SH2D3C: variants seen among roughly 807,000 people sequenced by gnomAD.
The protein encoded by SH2D3C is SH2 domain containing 3C.
SH2D3C carries 25 observed loss-of-function variants against 75.2 expected under a neutral mutation model. That is an observed-to-expected ratio of 0.33 (90% CI 0.24 to 0.46). SH2D3C has a LOEUF of 0.46. SH2D3C is among the 20% of genes least tolerant of loss of function. SH2D3C has a pLI of 1.00. For missense variants in SH2D3C, 933 were observed against 1,165.3 expected (o/e 0.80, Z 2.90); for synonymous variants, 450 against 473.7 (o/e 0.95, Z 0.65).
chr9:127,757,626 TG>T (rs1564419744), intron 3 of SH2D3C, among the ~76,000 whole-genome samples: 50 of 125,602 alleles, frequency 4.0e-4, no homozygotes, highest in Middle Eastern at 4.0e-3. Context: ...ATGATGATGA[TG>T]ATGATGATGA....
intron 2 of SH2D3C, chr9:127,771,219 A>G: frequency 6.5e-7 from 1 of 1,546,548 alleles, no homozygotes; most frequent in Non-Finnish European, 8.7e-7. Flanking sequence ...CCTTCGGCCC[A>G]CAGCAGTCAT....
rs775475237 is a variant in SH2D3C, at chr9:127,739,658, C to T, written c.2407+24G>A. 14 of 1,586,628 alleles carry T rather than the reference C, an allele frequency of 8.8e-6. No homozygotes were observed. In the East Asian group the frequency reaches 2.0e-4, roughly 23 times the overall value. On this transcript the variant is annotated intron_variant, in intron 11 of 11. Transcript: ENST00000314830. The surrounding 1 kb of genome is among the most constrained non-coding windows in gnomAD (Gnocchi z 4.3). ...GAGGGAGGCCCAGGCCTGCAAGCCC[C>T]CCAAGATGCCACCCGCCACTCACCC...
In SH2D3C at chr9:127,774,611, G is replaced by C; in HGVS notation, c.38-144C>G. 1.6e-6 allele frequency: 1 copy of C among 606,302 alleles called. No individual in the cohort carries two copies. 37.6% of individuals were successfully genotyped at this position (606,302 alleles called of 1,614,324 possible). The stretch of plus-strand genomic sequence containing the variant: ...ACACCCCTTCTAAAATTGTTAACAC[G>C]CCCCTAGAAATGGTATAAGATGGGA... On this transcript the variant is annotated intron_variant, in intron 1 of 11. Transcript: ENST00000314830. This position sits in a 1 kb window ranked among gnomAD's most constrained non-coding sequence, Gnocchi z 4.3.
chr9:127,776,307 G>A (rs148209288), intron 1 of SH2D3C, among the ~76,000 whole-genome samples: 2 of 151,882 alleles, frequency 1.3e-5, no homozygotes, highest in Non-Finnish European at 2.9e-5. Context: ...GCAGGTGTGC[G>A]TGTTTTGTGC....
At chr9:127,768,174 C>G (rs1845670124) in intron 2 of SH2D3C, among the ~76,000 whole-genome samples, 1 of 152,196 alleles carries the variant, frequency 6.6e-6, no homozygotes, top group Admixed American at 6.5e-5. Context: ...ACGACCCCCA[C>G]CCCTGGTGGG....
At chr9:127,741,331 C>T (rs1319963491) in intron 9 of SH2D3C, among the ~76,000 whole-genome samples, 1 of 151,294 alleles carries the variant, frequency 6.6e-6, no homozygotes, top group Non-Finnish European at 1.5e-5. Context: ...ACCTCTGCCT[C>T]CCTGGTTCAA....
chr9:127,740,268 G>A lies in SH2D3C; in HGVS notation c.2190C>T (p.Asn730=), dbSNP rs763322601. Reference sequence around the variant, plus strand: ...GCAACAAGGAAGTACCTTTGCCCTCGTTGAGGCTCTTGAGAAAAGGCTTGA... The same window carrying A: ...GCAACAAGGAAGTACCTTTGCCCTCATTGAGGCTCTTGAGAAAAGGCTTGA... ...KKLKPFLKSL[N]EGKEGPPLSN... Residue 730 remains asparagine (N), a synonymous_variant, in exon 10 of 12, where the codon AAC becomes AAT. Transcript: ENST00000314830. 44 of 1,613,798 alleles carry A rather than the reference G, an allele frequency of 2.7e-5. No homozygotes were observed. Among genetic ancestry groups the A allele is most frequent in the African/African-American group, 1.3e-4 (10 of 74,926 alleles).
At chr9:127,740,667 C>CTTAT (rs766797549) in intron 9 of SH2D3C, among the ~76,000 whole-genome samples, 1 of 152,134 alleles carries the variant, frequency 6.6e-6, no homozygotes, top group Non-Finnish European at 1.5e-5. Context: ...ACTTGTTGTT[C>CTTAT]TTATTTATTT....
chr9:127,762,391 C>T (rs1422719037), intron 2 of SH2D3C: 2 of 1,136,646 alleles, frequency 1.8e-6, no homozygotes, highest in East Asian at 5.8e-5. Flanking sequence ...AACCCAACTA[C>T]CTCCTGGACG....
chr9:127,755,549 C>T (rs1380452271), intron 3 of SH2D3C, among the ~76,000 whole-genome samples: 1 of 152,176 alleles, frequency 6.6e-6, no homozygotes, highest in Non-Finnish European at 1.5e-5. Context: ...CCACTCGCCG[C>T]ACCTCTAACA....
rs1844757634 is a variant in SH2D3C, at chr9:127,738,739, C to T, written c.*7G>A. 2 of 1,587,360 alleles carry T rather than the reference C, an allele frequency of 1.3e-6. No homozygotes were observed. Among genetic ancestry groups the T allele is most frequent in the Non-Finnish European group, 1.7e-6 (2 of 1,165,526 alleles). On this transcript the variant is annotated 3_prime_UTR_variant, in exon 12 of 12. Transcript: ENST00000314830. This position sits in a 1 kb window ranked among gnomAD's most constrained non-coding sequence, Gnocchi z 5.0. ...TCCGCAGCTGCAGAGGGGAAATGTC[C>T]CTGGGGTCACAGCTCGCTGGAGCGG...
At chr9:127,743,632 GA>G (rs1335427391) in intron 7 of SH2D3C, among the ~76,000 whole-genome samples, 1 of 152,266 alleles carries the variant, frequency 6.6e-6, no homozygotes, top group Non-Finnish European at 1.5e-5. Flanking sequence ...ACTGGGCCTA[GA>G]ACCTGGGTCC....
Position 127,767,093 on chromosome 9 carries a change from G to A in SH2D3C, c.516-5443C>T, listed in dbSNP as rs1330487527. The A allele has an allele frequency of 7.2e-6, 11 of 1,536,180 alleles. No individual in the cohort carries two copies. The East Asian group carries it at 2.4e-4, about 34-fold the overall frequency. ...CCAAGATGGGCCACCATTGTGCCCA[G>A]CACATTCTGCTCCCTCTCCACCGTC... On this transcript the variant is annotated intron_variant, in intron 2 of 11. Transcript: ENST00000314830.
intron 3 of SH2D3C, among the ~76,000 whole-genome samples, chr9:127,752,056 C>A (rs978094164): frequency 8.5e-5 from 13 of 152,162 alleles, no homozygotes; most frequent in Admixed American, 5.9e-4. Flanking sequence ...AAGCCCAAGG[C>A]CACTGAGGGA....
At chr9:127,771,389 G>A in intron 2 of SH2D3C, 1 of 1,324,184 alleles carries the variant, frequency 7.6e-7, no homozygotes, top group Non-Finnish European at 9.6e-7. Flanking sequence ...TCCTTGCCCG[G>A]CCCCACTCCA....
intron 2 of SH2D3C, among the ~76,000 whole-genome samples, chr9:127,772,306 C>T (rs1033961514): frequency 2.1e-5 from 3 of 144,914 alleles, no homozygotes; most frequent in South Asian, 2.2e-4. Flanking sequence ...TGCAATGGCG[C>T]GATCTTGGGT....
At chr9:127,761,887 T>C (rs1383869753) in intron 2 of SH2D3C, among the ~76,000 whole-genome samples, 2 of 152,210 alleles carry the variant, frequency 1.3e-5, no homozygotes, top group African/African-American at 2.4e-5. Flanking sequence ...TCAGGAATAA[T>C]GACAGCCTCT....
chr9:127,766,175 C>A (rs1190350315), intron 2 of SH2D3C, among the ~76,000 whole-genome samples: 1 of 152,224 alleles, frequency 6.6e-6, no homozygotes, highest in Middle Eastern at 3.2e-3. Context: ...CTGCCCCACC[C>A]TGGCCCTCTT....
At position 127,749,715 on chromosome 9, in the gene SH2D3C, A is replaced by G. The variant is rs1287816936; in HGVS notation, c.685-50T>C. On this transcript the variant is annotated intron_variant, in intron 4 of 11. Coordinates refer to ENST00000314830, the MANE Select transcript of SH2D3C (RefSeq NM_170600.3). This position sits in a 1 kb window ranked among gnomAD's most constrained non-coding sequence, Gnocchi z 5.9. ...AGTAGGGTGGGGCCAGGAGAGGGTC[A>G]GACCCAGGATCTGGGGGACAGAGCA... is the stretch of plus-strand genomic sequence containing the variant. 1 of 1,268,858 alleles carries G rather than the reference A, an allele frequency of 7.9e-7. No individual in the cohort carries two copies. The highest frequency in any genetic ancestry group is 2.0e-5 in the Admixed American group (1 of 50,336). 78.6% of individuals were successfully genotyped at this position (1,268,858 alleles called of 1,614,324 possible). A position where few individuals can be genotyped will look rare whatever the true frequency, so the allele number is the denominator to read the frequency against.
Sources: gnomAD v4.1 joint callset for allele counts (sites outside exome capture counted in the v4.1 genomes callset) on GRCh38, gnomAD v4.1.1 for gene constraint, Gnocchi (gnomAD v3.1) non-coding constraint, MANE v1.5 for transcripts, NCBI Gene and HGNC (gene_info 2026-07-23, HGNC 2026-07-21) for gene names.